The following GLS variants were observed in gnomAD, a reference collection of about 807,000 sequenced individuals.
GLS encodes glutaminase, also known as glutaminase kidney isoform, mitochondrial.
In GLS, 36 loss-of-function variants were observed where a neutral mutation model predicts 86.7. The observed-to-expected ratio is 0.42, with a 90% CI of 0.32 to 0.55. GLS has a LOEUF of 0.55. Ranked by LOEUF, GLS falls within the 20% of genes least tolerant of loss-of-function variation. The probability of loss-of-function intolerance (pLI) is 0.17; values close to 1 mark genes in which losing one functional copy is unlikely to be tolerated. For synonymous variants in GLS, 317 were observed against 305.9 expected (o/e 1.04, Z -0.38); for missense variants, 528 against 833.4 (o/e 0.63, Z 4.51).
chr2:190,957,938 G>A (rs771851052), intron 17 of GLS, among the ~76,000 whole-genome samples: 1 of 152,184 alleles, frequency 6.6e-6, no homozygotes, highest in South Asian at 2.1e-4. Context: ...AGTTAGGGAG[G>A]ATTCCTTCTT....
In GLS at chr2:190,907,438, T is replaced by TAG. The variant is rs199952448; in HGVS notation, c.979+2275_979+2276dup. Among the ~76,000 whole-genome samples the TAG allele has an allele frequency of 4.2e-3, 644 of 151,864 alleles. 17 individuals are homozygous for TAG. The highest frequency in any genetic ancestry group is 0.039 in the Admixed American group (597 of 15,252). ...ACCCTGGCTAATTTTGTATTTTCAG[T>TAG]AGAGACGGGGTTTCTCCATGTTGGT... On this transcript the variant is annotated intron_variant, in intron 6 of 17. Transcript: ENST00000320717.
rs1161213801 is a variant in GLS at position 190,951,805 on chromosome 2, T to C, written c.1651-1760T>C. Among the ~76,000 whole-genome samples, 1 of 151,988 alleles carries C rather than the reference T, an allele frequency of 6.6e-6. No homozygotes were observed. Among genetic ancestry groups the C allele is most frequent in the Non-Finnish European group, 1.5e-5 (1 of 68,008 alleles). ...CTGTGGTCCAAGAGCAAAAAGGGAATTGAGAATTCAGAGTTGACCCCATTA... is the reference window on the plus strand; with the variant it reads ...CTGTGGTCCAAGAGCAAAAAGGGAACTGAGAATTCAGAGTTGACCCCATTA... On this transcript the variant is annotated intron_variant, in intron 14 of 17. Coordinates refer to ENST00000320717, the MANE Select transcript of GLS (RefSeq NM_014905.5). The surrounding 1 kb of genome is among the most constrained non-coding windows in gnomAD (Gnocchi z 4.2).
intron 14 of GLS, among the ~76,000 whole-genome samples, chr2:190,940,906 T>A (rs906050845): frequency 3.3e-5 from 5 of 152,070 alleles, no homozygotes; most frequent in Admixed American, 1.3e-4. Context: ...TTCTACCAAG[T>A]AAGAACTAAA....
rs150487082 is a variant in GLS at position 190,957,707 on chromosome 2, G to A, written c.1853+2889G>A. 2.9e-3 allele frequency among the ~76,000 whole-genome samples: 443 copies of A among 152,266 alleles called. 9 individuals carry two copies. The highest frequency in any genetic ancestry group is 0.028 in the Admixed American group (424 of 15,290). ...TGGTTCTGTTTATGTGATGGATTAC[G>A]TGTATCGATTTGCATATGTTGAACC... On this transcript the variant is annotated intron_variant, in intron 17 of 17. Coordinates refer to ENST00000320717, the MANE Select transcript of GLS (RefSeq NM_014905.5).
At chr2:190,928,145 C>G (rs931239770) in intron 12 of GLS, among the ~76,000 whole-genome samples, 1 of 151,780 alleles carries the variant, frequency 6.6e-6, no homozygotes, top group African/African-American at 2.4e-5. Flanking sequence ...TTCCCCTATC[C>G]TTGTCATATT....
At chr2:190,883,179 T>A (rs892582236) in intron 1 of GLS, among the ~76,000 whole-genome samples, 3 of 152,228 alleles carry the variant, frequency 2.0e-5, no homozygotes, top group Admixed American at 1.3e-4. Context: ...ATTGCCTTTT[T>A]AATAAAAAAT....
chr2:190,880,872 C>CA lies in GLS; in HGVS notation c.-213_-212insA. 2 of 742,350 alleles carry CA rather than the reference C, an allele frequency of 2.7e-6. No individual in the cohort carries two copies. Among genetic ancestry groups the CA allele is most frequent in the South Asian group, 3.0e-5 (2 of 66,544 alleles). 46.0% of individuals were successfully genotyped at this position (742,350 alleles called of 1,614,324 possible). A position where few individuals can be genotyped will look rare whatever the true frequency, so the allele number is the denominator to read the frequency against. Reference sequence around the variant, plus strand: ...AGAACCGGTCGCGGCAATCCTAGCGCGCAGCAGCAGCAGCAGCAGCAGCAG... The same window carrying CA: ...AGAACCGGTCGCGGCAATCCTAGCGCAGCAGCAGCAGCAGCAGCAGCAGCAG... On this transcript the variant is annotated 5_prime_UTR_variant, in exon 1 of 18. Transcript: ENST00000320717.
intron 6 of GLS, among the ~76,000 whole-genome samples, chr2:190,908,402 G>A (rs1363348307): frequency 2.6e-5 from 4 of 152,166 alleles, no homozygotes; most frequent in Non-Finnish European, 5.9e-5. Context: ...ATGAAAGAAT[G>A]CTGTGTATTT....
At chr2:190,904,923 A>T (rs566233228) in intron 5 of GLS, 81 bp from the exon 6 acceptor site, 1 of 819,458 alleles carries the variant, frequency 1.2e-6, no homozygotes, top group Admixed American at 2.4e-5. Flanking sequence ...AATTGTTAAC[A>T]TGTAAAAAGA....
chr2:190,939,281 G>T (rs1483396340), intron 14 of GLS, among the ~76,000 whole-genome samples: 1 of 151,594 alleles, frequency 6.6e-6, no homozygotes, highest in Non-Finnish European at 1.5e-5. Context: ...AGGACTGTGT[G>T]TATTGAGTTC....
At chr2:190,932,860 TA>T (rs749811276) in intron 14 of GLS, 13 of 1,518,934 alleles carry the variant, frequency 8.6e-6, no homozygotes, top group African/African-American at 1.4e-5. Context: ...AGAGAAAAGC[TA>T]AAGAAATGGG....
chr2:190,918,903 A>G (rs933907301), intron 7 of GLS, among the ~76,000 whole-genome samples: 18 of 152,122 alleles, frequency 1.2e-4, no homozygotes, highest in African/African-American at 3.9e-4. Flanking sequence ...CAGTCAGAAC[A>G]TATACAACAT....
chr2:190,910,389 G>C, intron 7 of GLS, 68 bp downstream of exon 7: 1 of 740,046 alleles, frequency 1.4e-6, no homozygotes, highest in Non-Finnish European at 2.3e-6. Flanking sequence ...GCATAAAGAT[G>C]AATCTGGGAT....
At chr2:190,961,796 G>C (rs950264353) in intron 17 of GLS, among the ~76,000 whole-genome samples, 1 of 149,776 alleles carries the variant, frequency 6.7e-6, no homozygotes, top group Non-Finnish European at 1.5e-5. Flanking sequence ...AAATGAGACT[G>C]TTTTAAAAAC....
chr2:190,887,640 A>AT (rs1390480753), intron 1 of GLS, among the ~76,000 whole-genome samples: 1 of 152,114 alleles, frequency 6.6e-6, no homozygotes, highest in Non-Finnish European at 1.5e-5. Context: ...CTGAAGAGCA[A>AT]TTTTTAAGCT....
intron 7 of GLS, among the ~76,000 whole-genome samples, chr2:190,916,619 A>G (rs1482253663): frequency 6.6e-6 from 1 of 152,242 alleles, no homozygotes; most frequent in Non-Finnish European, 1.5e-5. Context: ...TCCAGGGTAA[A>G]TAATATGAAC....
rs559860865 is a variant in GLS at position 190,881,558 on chromosome 2, G to A, written c.386+88G>A. ...GGGGCCCTGCGGTGGGGCGGGATAG[G>A]AGCCGAGGGTCTAGAAAAGAGAAAG... On this transcript the variant is annotated intron_variant, in intron 1 of 17. Transcript: ENST00000320717. 8 of 1,232,440 alleles carry A rather than the reference G, an allele frequency of 6.5e-6. No homozygotes were observed. In the South Asian group the frequency reaches 9.7e-5, roughly 15 times the overall value. The allele number at this position is 1,232,440 out of a possible 1,614,324, so 76.3% of individuals were successfully genotyped here.
At chr2:190,936,050 G>A (rs1432363793) in intron 14 of GLS, among the ~76,000 whole-genome samples, 1 of 151,136 alleles carries the variant, frequency 6.6e-6, no homozygotes, top group African/African-American at 2.4e-5. Flanking sequence ...ACATGAATTT[G>A]TATTAATCTG....
intron 14 of GLS, chr2:190,934,974 C>A: frequency 1.0e-6 from 1 of 966,686 alleles, no homozygotes; most frequent in Non-Finnish European, 1.2e-6. Flanking sequence ...CCTTTTTAAA[C>A]AAAGTTCTTG....
Sources: gnomAD v4.1 joint callset for allele counts (sites outside exome capture counted in the v4.1 genomes callset) on GRCh38, gnomAD v4.1.1 for gene constraint, Gnocchi (gnomAD v3.1) non-coding constraint, MANE v1.5 for transcripts, NCBI Gene and HGNC (gene_info 2026-07-23, HGNC 2026-07-21) for gene names.